Variants in CDH8 observed in about 807,000 individuals in gnomAD.
CDH8 encodes the protein cadherin-8.
In CDH8, 17 loss-of-function variants were observed where a neutral mutation model predicts 68.1. The ratio of observed to expected loss-of-function variants is 0.25; its 90% CI spans 0.17 to 0.37. The LOEUF is 0.37. CDH8 is among the 10% of genes least tolerant of loss of function. The pLI is 1.00. For missense variants in CDH8, 763 were observed against 999.3 expected (o/e 0.76, Z 3.19); for synonymous variants, 372 against 365.1 (o/e 1.02, Z -0.21).
intron 9 of CDH8, among the ~76,000 whole-genome samples, chr16:61,715,736 G>C (rs1240239362): frequency 6.6e-6 from 1 of 151,306 alleles, no homozygotes; most frequent in Non-Finnish European, 1.5e-5. Flanking sequence ...TAAGTGTAGA[G>C]AGAGGCCCTA....
intron 8 of CDH8, among the ~76,000 whole-genome samples, chr16:61,784,084 C>T (rs1961164548): frequency 2.6e-5 from 4 of 151,044 alleles, no homozygotes; most frequent in African/African-American, 9.7e-5. Context: ...TCACACATAA[C>T]AATATTAACT....
chr16:61,747,530 G>T (rs1431637037), intron 8 of CDH8, among the ~76,000 whole-genome samples: 1 of 152,000 alleles, frequency 6.6e-6, no homozygotes, highest in African/African-American at 2.4e-5. Context: ...CAGAGATGCT[G>T]ACAGGGACAA....
chr16:61,962,459 C>T (rs1965172544), intron 2 of CDH8, among the ~76,000 whole-genome samples: 1 of 152,042 alleles, frequency 6.6e-6, no homozygotes, highest in Admixed American at 6.6e-5. Flanking sequence ...AGTGTATGAC[C>T]ATCACACTCA....
intron 2 of CDH8, among the ~76,000 whole-genome samples, chr16:62,001,745 T>C (rs934206074): frequency 1.3e-5 from 2 of 152,144 alleles, no homozygotes; most frequent in Non-Finnish European, 2.9e-5. Context: ...TATGTATACA[T>C]GTGCCATGTT....
chr16:62,036,176 G>C lies in CDH8; in HGVS notation c.-296C>G, dbSNP rs913072774. The C allele has an allele frequency of 1.3e-5, 2 of 152,240 alleles. No individual in the cohort carries two copies. Among genetic ancestry groups the C allele is most frequent in the Admixed American group, 1.3e-4 (2 of 15,286 alleles). 9.4% of individuals were successfully genotyped at this position (152,240 alleles called of 1,614,324 possible). A position where few individuals can be genotyped will look rare whatever the true frequency, so the allele number is the denominator to read the frequency against. Reference sequence around the variant, plus strand: ...CTCCCGAGGGCGGCAAGCGCCGACCGGTCCTCGCTCGCTAGGCAGGCGCCT... The same window carrying C: ...CTCCCGAGGGCGGCAAGCGCCGACCCGTCCTCGCTCGCTAGGCAGGCGCCT... On this transcript the variant is annotated 5_prime_UTR_variant, in exon 1 of 12. Coordinates refer to ENST00000577390, the MANE Select transcript of CDH8 (RefSeq NM_001796.5).
chr16:61,932,349 G>T (rs568231281), intron 2 of CDH8, among the ~76,000 whole-genome samples: 10 of 152,084 alleles, frequency 6.6e-5, no homozygotes, highest in Non-Finnish European at 1.5e-4. Context: ...AAACAAAAAT[G>T]TAATTCAAAG....
At chr16:61,657,152 C>A (rs1963464264) in intron 10 of CDH8, among the ~76,000 whole-genome samples, 1 of 151,704 alleles carries the variant, frequency 6.6e-6, no homozygotes, top group Non-Finnish European at 1.5e-5. Context: ...CCATTGCCAT[C>A]CAATTTCTGA....
intron 3 of CDH8, among the ~76,000 whole-genome samples, chr16:61,874,413 G>A (rs1342287850): frequency 4.6e-5 from 7 of 151,680 alleles, no homozygotes; most frequent in Non-Finnish European, 1.0e-4. Flanking sequence ...CTCACTGCAA[G>A]CTCCGCCTCC....
intron 10 of CDH8, among the ~76,000 whole-genome samples, chr16:61,668,993 A>G (rs758283903): frequency 2.6e-5 from 4 of 152,076 alleles, no homozygotes; most frequent in Non-Finnish European, 2.9e-5. Flanking sequence ...AAATATTGAA[A>G]TCTTTAATAC....
chr16:61,679,217 A>G lies in CDH8; in HGVS notation c.1655-23496T>C, dbSNP rs907954181. On this transcript the variant is annotated intron_variant, in intron 10 of 11. Coordinates refer to ENST00000577390, the MANE Select transcript of CDH8 (RefSeq NM_001796.5). Reference sequence around the variant, plus strand: ...TCAGTCTATGATGAATTCTTTAAAAATGGAACAATGAGCAAGGATGTTGGA... The same window carrying G: ...TCAGTCTATGATGAATTCTTTAAAAGTGGAACAATGAGCAAGGATGTTGGA... Among the ~76,000 whole-genome samples the G allele has an allele frequency of 6.6e-5, 10 of 152,074 alleles. 1 individual carries two copies. Among genetic ancestry groups the G allele is most frequent in the Admixed American group, 6.6e-4 (10 of 15,222 alleles).
At position 61,686,962 on chromosome 16, in the gene CDH8, A is replaced by G. The variant is rs78544385; in HGVS notation, c.1654+26879T>C. Among the ~76,000 whole-genome samples, 1,441 of 151,988 alleles carry G rather than the reference A, an allele frequency of 9.5e-3. 27 individuals carry two copies. The highest frequency in any genetic ancestry group is 0.033 in the African/African-American group (1,369 of 41,496). On this transcript the variant is annotated intron_variant, in intron 10 of 11. Transcript: ENST00000577390. ...GATATTTTTTAAGAAAGCAGCAACC[A>G]TAGGGTTTAAAAAGGGTTCTATAGA... is the stretch of plus-strand genomic sequence containing the variant.
In CDH8 at chr16:61,940,398, C is replaced by CTTTTTTTTTTTTTTTTTTTTTTTTTTTTT. The variant is rs1185703652; in HGVS notation, c.253-38926_253-38925insAAAAAAAAAAAAAAAAAAAAAAAAAAAAA. 32 of 116,318 alleles carry CTTTTTTTTTTTTTTTTTTTTTTTTTTTTT rather than the reference C, an allele frequency of 2.8e-4. 5 individuals carry two copies. The highest frequency in any genetic ancestry group is 9.0e-4 in the East Asian group (3 of 3,318). 7.2% of individuals were successfully genotyped at this position (116,318 alleles called of 1,614,324 possible). On this transcript the variant is annotated intron_variant, in intron 2 of 11. Coordinates refer to ENST00000577390, the MANE Select transcript of CDH8 (RefSeq NM_001796.5). ...GAGCTATGGTAATGAACTACTTGAT[C>CTTTTTTTTTTTTTTTTTTTTTTTTTTTTT]TTTTTTTTTTTTTTTTTTTGAGACG...
intron 8 of CDH8, among the ~76,000 whole-genome samples, chr16:61,746,482 G>A (rs1426536835): frequency 1.3e-5 from 2 of 150,696 alleles, no homozygotes; most frequent in Non-Finnish European, 3.0e-5. Flanking sequence ...TAACTTTATG[G>A]TTGTTCTCCA....
chr16:61,834,845 T>C (rs1159067006), intron 4 of CDH8, among the ~76,000 whole-genome samples: 1 of 151,922 alleles, frequency 6.6e-6, no homozygotes, highest in Admixed American at 6.6e-5. Context: ...CACATGAATA[T>C]TGGGAATTCA....
At chr16:61,838,559 C>T (rs1265092449) in intron 4 of CDH8, among the ~76,000 whole-genome samples, 2 of 152,058 alleles carry the variant, frequency 1.3e-5, no homozygotes, top group African/African-American at 4.8e-5. Context: ...AATTACAGAA[C>T]CTGAGGTTAA....
intron 2 of CDH8, among the ~76,000 whole-genome samples, chr16:61,987,302 G>A (rs1265403226): frequency 2.6e-5 from 4 of 152,064 alleles, no homozygotes; most frequent in African/African-American, 9.7e-5. Context: ...TCAGGAGTTC[G>A]AGACCAGCCT....
At chr16:61,659,156 A>G (rs998056059) in intron 10 of CDH8, among the ~76,000 whole-genome samples, 1 of 152,224 alleles carries the variant, frequency 6.6e-6, no homozygotes, top group African/African-American at 2.4e-5. Flanking sequence ...AAGGAGCTCT[A>G]CAGATGTGCT....
intron 4 of CDH8, among the ~76,000 whole-genome samples, chr16:61,844,966 C>G (rs907541761): frequency 6.6e-6 from 1 of 152,112 alleles, no homozygotes; most frequent in Non-Finnish European, 1.5e-5. Context: ...GATTTAAACT[C>G]AAATGAATTG....
intron 3 of CDH8, 58 bp from the exon 4 acceptor site, chr16:61,857,296 C>A (rs1963065604): frequency 6.8e-7 from 1 of 1,460,392 alleles, no homozygotes; most frequent in South Asian, 1.2e-5. Flanking sequence ...TTGCCAAGAG[C>A]TACATTTTGT....
Sources: gnomAD v4.1 joint callset for allele counts (sites outside exome capture counted in the v4.1 genomes callset) on GRCh38, gnomAD v4.1.1 for gene constraint, MANE v1.5 for transcripts, NCBI Gene and HGNC (gene_info 2026-07-23, HGNC 2026-07-21) for gene names.